Variants in ATP8A1 observed in about 807,000 individuals in gnomAD.
ATP8A1 encodes the protein phospholipid-transporting ATPase IA.
ATP8A1 carries 90 observed loss-of-function variants against 177.7 expected under a neutral mutation model. The observed-to-expected ratio is 0.51, with a 90% CI of 0.43 to 0.60. ATP8A1 has a LOEUF of 0.60. Among genes scored for constraint, ATP8A1 ranks in the 20% least tolerant of loss-of-function variants. ATP8A1 has a pLI of 0.00. For synonymous variants in ATP8A1, 493 were observed against 485.9 expected (o/e 1.01, Z -0.19); for missense variants, 1,072 against 1,392.8 (o/e 0.77, Z 3.67).
intron 33 of ATP8A1, among the ~76,000 whole-genome samples, chr4:42,427,463 TAAA>T (rs1016677589): frequency 1.3e-5 from 2 of 152,238 alleles, no homozygotes; most frequent in Non-Finnish European, 2.9e-5. Context: ...GATCAGATTT[TAAA>T]AATTCACCAT....
intron 30 of ATP8A1, among the ~76,000 whole-genome samples, 162 bp from the exon 31 acceptor site, chr4:42,446,806 C>A (rs1350287297): frequency 6.6e-6 from 1 of 151,138 alleles, no homozygotes; most frequent in Non-Finnish European, 1.5e-5. Context: ...CTCTTGAGTG[C>A]TAACAAAGCT....
At chr4:42,467,561 C>T (rs114755217) in intron 25 of ATP8A1, among the ~76,000 whole-genome samples, 3,173 of 152,162 alleles carry the variant, frequency 0.021, 97 homozygotes, top group African/African-American at 0.07. Flanking sequence ...GGGATAGGGG[C>T]GCGTGCCTGT....
intron 15 of ATP8A1, among the ~76,000 whole-genome samples, chr4:42,557,920 G>A (rs1405929930): frequency 6.6e-6 from 1 of 152,024 alleles, no homozygotes; most frequent in East Asian, 1.9e-4. Context: ...CCAGCTACTC[G>A]GGAGGCTGAG....
chr4:42,590,888 C>CA lies in ATP8A1; in HGVS notation c.451-5dup, dbSNP rs1221663866. ...TCACTATCTCCCCTACTGCCACCTA[C>CA]ACGTCCCAGTATAAAATAATTAAAA... On this transcript the variant is annotated splice_polypyrimidine_tract_variant and splice_region_variant and intron_variant, in intron 6 of 36. Transcript: ENST00000381668. The CA allele has an allele frequency of 4.4e-6, 7 of 1,603,932 alleles. No homozygotes were observed. In the African/African-American group the frequency reaches 9.6e-5, roughly 22 times the overall value.
intron 6 of ATP8A1, among the ~76,000 whole-genome samples, chr4:42,596,535 C>T (rs561321872): frequency 7.9e-5 from 12 of 151,894 alleles, no homozygotes; most frequent in Admixed American, 3.3e-4. Flanking sequence ...GGCATGGTGG[C>T]AGGCACCTGT....
chr4:42,585,935 T>TA (rs1243391756), intron 9 of ATP8A1, among the ~76,000 whole-genome samples: 3 of 152,142 alleles, frequency 2.0e-5, no homozygotes, highest in Non-Finnish European at 4.4e-5. Flanking sequence ...CCCTTGAAGG[T>TA]AGAGTCTGAA....
chr4:42,617,490 T>G (rs1229874193), intron 4 of ATP8A1, among the ~76,000 whole-genome samples: 4 of 152,228 alleles, frequency 2.6e-5, no homozygotes, highest in Admixed American at 2.0e-4. Flanking sequence ...ATTTGTAGCA[T>G]CAGTAGAGAT....
At chr4:42,461,850 T>C (rs1280781475) in intron 27 of ATP8A1, among the ~76,000 whole-genome samples, 1 of 152,202 alleles carries the variant, frequency 6.6e-6, no homozygotes, top group Non-Finnish European at 1.5e-5. Flanking sequence ...GATAATGCTA[T>C]GGACAATAAG....
At chr4:42,614,959 T>C (rs12502256) in intron 5 of ATP8A1, among the ~76,000 whole-genome samples, 13,820 of 152,232 alleles carry the variant, frequency 0.091, 756 homozygotes, top group African/African-American at 0.15. Context: ...GCACTTGACA[T>C]AGAAACTATG....
chr4:42,486,841 CAATAGGCTATCT>C (rs923491428), intron 24 of ATP8A1, among the ~76,000 whole-genome samples: 27 of 152,140 alleles, frequency 1.8e-4, no homozygotes, highest in Non-Finnish European at 1.8e-4. Flanking sequence ...AGCCTAGGAG[CAATAGGCTATCT>C]TGTGTAGCCT....
chr4:42,532,416 G>A lies in ATP8A1; in HGVS notation c.1723-7569C>T, dbSNP rs1446240417. Among the ~76,000 whole-genome samples, 3 of 152,020 alleles carry A rather than the reference G, an allele frequency of 2.0e-5. No individual in the cohort carries two copies. The South Asian group carries it at 6.2e-4, about 32-fold the overall frequency. ...CAGGAGAATCGCTTGAACCCAGAAG[G>A]TGGAGGTTGTAGTGAGCTGAGATCG... On this transcript the variant is annotated intron_variant, in intron 20 of 36. Coordinates refer to ENST00000381668, the MANE Select transcript of ATP8A1 (RefSeq NM_006095.2).
At position 42,422,499 on chromosome 4, in the gene ATP8A1, A is replaced by G. The variant is rs557835857; in HGVS notation, c.3305+308T>C. On this transcript the variant is annotated intron_variant, in intron 35 of 36. Coordinates refer to ENST00000381668, the MANE Select transcript of ATP8A1 (RefSeq NM_006095.2). ...AACTGCCATTTATTTAATGCTCATT[A>G]AAGACTTTGCACTATGCTAAGTTCT... Among the ~76,000 whole-genome samples, 266 of 152,150 alleles carry G rather than the reference A, an allele frequency of 1.7e-3. 3 individuals carry two copies. The highest frequency in any genetic ancestry group is 2.4e-3 in the Non-Finnish European group (164 of 67,934).
chr4:42,523,476 A>C (rs1185434271), intron 21 of ATP8A1, among the ~76,000 whole-genome samples: 1 of 152,180 alleles, frequency 6.6e-6, no homozygotes, highest in Non-Finnish European at 1.5e-5. Flanking sequence ...CTTCCAAGAA[A>C]GGGTGGTGTA....
At chr4:42,490,765 G>T (rs1424795945) in intron 24 of ATP8A1, among the ~76,000 whole-genome samples, 1 of 152,068 alleles carries the variant, frequency 6.6e-6, no homozygotes, top group South Asian at 2.1e-4. Flanking sequence ...AATAAACCAA[G>T]ACACATTCCC....
chr4:42,504,883 CTTTCT>C (rs1348589139), intron 23 of ATP8A1, among the ~76,000 whole-genome samples: 1 of 152,224 alleles, frequency 6.6e-6, no homozygotes, highest in Admixed American at 6.5e-5. Context: ...TGCTACTATT[CTTTCT>C]TTTATTTTTG....
At position 42,409,749 on chromosome 4, in the gene ATP8A1, T is replaced by C. The variant is rs887555996; in HGVS notation, c.*3167A>G. Reference sequence around the variant, plus strand: ...TCATTTCCCGAGAAAACATTTTAAATGACAAGTTGTAAGTGTTGTACAGTG... The same window carrying C: ...TCATTTCCCGAGAAAACATTTTAAACGACAAGTTGTAAGTGTTGTACAGTG... On this transcript the variant is annotated 3_prime_UTR_variant, in exon 37 of 37. Coordinates refer to ENST00000381668, the MANE Select transcript of ATP8A1 (RefSeq NM_006095.2). 2.6e-4 allele frequency: 39 copies of C among 152,180 alleles called. No individual in the cohort carries two copies. The highest frequency in any genetic ancestry group is 8.9e-4 in the African/African-American group (37 of 41,466). The allele number at this position is 152,180 out of a possible 1,614,324, so 9.4% of individuals were successfully genotyped here. A position where few individuals can be genotyped will look rare whatever the true frequency, so the allele number is the denominator to read the frequency against.
At chr4:42,628,971 TG>T (rs1264618706) in intron 1 of ATP8A1, among the ~76,000 whole-genome samples, 1 of 152,212 alleles carries the variant, frequency 6.6e-6, no homozygotes, top group East Asian at 1.9e-4. Context: ...GCTGAGGAAC[TG>T]GGTGTTACTC....
chr4:42,583,472 A>G (rs1238917668), intron 9 of ATP8A1, among the ~76,000 whole-genome samples: 3 of 152,186 alleles, frequency 2.0e-5, no homozygotes, highest in Non-Finnish European at 4.4e-5. Context: ...ACTGTTCCTT[A>G]CCCAGCCAAT....
At chr4:42,424,926 G>A (rs545861948) in intron 33 of ATP8A1, among the ~76,000 whole-genome samples, 25 of 152,120 alleles carry the variant, frequency 1.6e-4, no homozygotes, top group African/African-American at 5.3e-4. Context: ...ACCAATATTC[G>A]AGACACCAAC....
Sources: gnomAD v4.1 joint callset for allele counts (sites outside exome capture counted in the v4.1 genomes callset) on GRCh38, gnomAD v4.1.1 for gene constraint, MANE v1.5 for transcripts, NCBI Gene and HGNC (gene_info 2026-07-23, HGNC 2026-07-21) for gene names.